PCDHGA4: variants seen among roughly 807,000 people sequenced by gnomAD.
PCDHGA4 encodes the protein protocadherin gamma subfamily A, 4.
PCDHGA4 carries 38 observed loss-of-function variants against 54.6 expected under a neutral mutation model. The observed-to-expected ratio is 0.70, with a 90% CI of 0.54 to 0.91. The LOEUF (loss-of-function observed/expected upper bound fraction) is 0.91, where lower values mean the gene tolerates loss of function less well. PCDHGA4 is among the 40% of genes least tolerant of loss of function. The pLI is 0.00. For missense variants in PCDHGA4, 1,298 were observed against 1,220.9 expected (o/e 1.06, Z -0.94); for synonymous variants, 511 against 512.9 (o/e 1.00, Z 0.05).
rs151239937 is a variant in PCDHGA4, at chr5:141,485,980, G to A, written c.2515-8827G>A. 1.9e-6 allele frequency: 3 copies of A among 1,614,020 alleles called. No homozygotes were observed. The highest frequency in any genetic ancestry group is 2.5e-6 in the Non-Finnish European group (3 of 1,180,004). Reference sequence around the variant, plus strand: ...TCATCCAGCTCAATGCCTCAGACCCGGACCTGGGTCCCAGTGGTAACGTCA... The same window carrying A: ...TCATCCAGCTCAATGCCTCAGACCCAGACCTGGGTCCCAGTGGTAACGTCA... On this transcript the variant is annotated intron_variant, in intron 1 of 3. Coordinates refer to ENST00000571252, the MANE Select transcript of PCDHGA4 (RefSeq NM_018917.4). The surrounding 1 kb of genome is among the most constrained non-coding windows in gnomAD (Gnocchi z 5.7).
intron 1 of PCDHGA4, chr5:141,422,227 A>G: frequency 6.4e-7 from 1 of 1,566,716 alleles, no homozygotes; most frequent in Non-Finnish European, 8.6e-7. Context: ...CACCACGACG[A>G]TGTTGATCAC....
chr5:141,463,438 CTTTTTTTT>C (rs71576115), intron 1 of PCDHGA4, among the ~76,000 whole-genome samples: 7 of 103,252 alleles, frequency 6.8e-5, no homozygotes, highest in East Asian at 2.4e-4. Flanking sequence ...TTTCCTTCTC[CTTTTTTTT>C]TTTTTTTTTT....
chr5:141,388,170 T>C (rs756859307), intron 1 of PCDHGA4: 9 of 1,495,754 alleles, frequency 6.0e-6, no homozygotes, highest in Non-Finnish European at 8.3e-6. Flanking sequence ...GGAGGAGATA[T>C]GCGGGAAGAA....
intron 1 of PCDHGA4, chr5:141,371,217 GC>G (rs1377737380): frequency 6.2e-7 from 1 of 1,613,922 alleles, no homozygotes; most frequent in African/African-American, 1.3e-5. Context: ...GGGCATCAAT[GC>G]CGAAATCATC....
chr5:141,409,808 G>A lies in PCDHGA4; in HGVS notation c.2514+52187G>A, dbSNP rs1445467116. On this transcript the variant is annotated intron_variant, in intron 1 of 3. Coordinates refer to ENST00000571252, the MANE Select transcript of PCDHGA4 (RefSeq NM_018917.4). ...CTTCGCGCTCACGCTGCAGGCCCGC[G>A]ACCACGGCTCGCCCACGCTCAGCGC... 4.3e-6 allele frequency: 7 copies of A among 1,611,624 alleles called. No individual in the cohort carries two copies. In the East Asian group the frequency reaches 1.3e-4, roughly 31 times the overall value.
intron 1 of PCDHGA4, chr5:141,394,067 C>T (rs773390718): frequency 1.9e-6 from 3 of 1,613,794 alleles, no homozygotes; most frequent in Admixed American, 3.3e-5. Flanking sequence ...TCTCTATCTA[C>T]AATATCACAG....
Position 141,490,109 on chromosome 5 carries a change from G to A in PCDHGA4, c.2515-4698G>A, listed in dbSNP as rs775286436. The A allele has an allele frequency of 3.4e-5, 55 of 1,614,114 alleles. No homozygotes were observed. Among genetic ancestry groups the A allele is most frequent in the African/African-American group, 8.0e-5 (6 of 74,940 alleles). ...GGAGACCACACATCTGAGGCAGTGC[G>A]GAACCTCTTTGGCCTAGACCCTAGC... On this transcript the variant is annotated intron_variant, in intron 1 of 3. Coordinates refer to ENST00000571252, the MANE Select transcript of PCDHGA4 (RefSeq NM_018917.4). This position sits in a 1 kb window ranked among gnomAD's most constrained non-coding sequence, Gnocchi z 5.4.
At chr5:141,372,835 C>G in intron 1 of PCDHGA4, 2 of 1,535,142 alleles carry the variant, frequency 1.3e-6, no homozygotes, top group Non-Finnish European at 1.8e-6. Flanking sequence ...CCTTTCCTTC[C>G]ATAAATATAA....
chr5:141,370,723 C>G, intron 1 of PCDHGA4: 1 of 1,613,808 alleles, frequency 6.2e-7, no homozygotes, highest in South Asian at 1.1e-5. Context: ...GAAATGGTTG[C>G]TGAAAAGCCT....
In PCDHGA4 at chr5:141,422,911, G is replaced by C. The variant is rs375046528; in HGVS notation, c.2514+65290G>C. ...GCTGGACCAGAACGACAATGCGCCC[G>C]AGATCCTGTACCCTGCCCTCCCCAC... On this transcript the variant is annotated intron_variant, in intron 1 of 3. Transcript: ENST00000571252. 41 of 1,614,236 alleles carry C rather than the reference G, an allele frequency of 2.5e-5. No individual in the cohort carries two copies. Among genetic ancestry groups the C allele is most frequent in the Non-Finnish European group, 3.2e-5 (38 of 1,180,046 alleles).
chr5:141,403,974 A>G (rs1351754228), intron 1 of PCDHGA4: 1 of 1,613,872 alleles, frequency 6.2e-7, no homozygotes, highest in African/African-American at 1.3e-5. Flanking sequence ...GAAGATGTAA[A>G]TGACAATAGA....
At position 141,412,973 on chromosome 5, in the gene PCDHGA4, C is replaced by A. The variant is rs2095594108; in HGVS notation, c.2514+55352C>A. 14 of 528,318 alleles carry A rather than the reference C, an allele frequency of 2.6e-5. No individual in the cohort carries two copies. In the South Asian group the frequency reaches 3.3e-4, roughly 12 times the overall value. The allele number at this position is 528,318 out of a possible 1,614,324, so 32.7% of individuals were successfully genotyped here. A position where few individuals can be genotyped will look rare whatever the true frequency, so the allele number is the denominator to read the frequency against. Reference sequence around the variant, plus strand: ...GCTGTTCACCTACTAGGAGAGAAAACGCAGCCAGAGCTCAATCCGGATTCT... The same window carrying A: ...GCTGTTCACCTACTAGGAGAGAAAAAGCAGCCAGAGCTCAATCCGGATTCT... On this transcript the variant is annotated intron_variant, in intron 1 of 3. Transcript: ENST00000571252.
At chr5:141,388,668 C>G in intron 1 of PCDHGA4, 1 of 1,613,882 alleles carries the variant, frequency 6.2e-7, no homozygotes, top group Non-Finnish European at 8.5e-7. Flanking sequence ...GACCACGGTG[C>G]TACAGGTGAC....
chr5:141,456,301 C>CA (rs761557752), intron 1 of PCDHGA4, among the ~76,000 whole-genome samples: 14 of 152,154 alleles, frequency 9.2e-5, no homozygotes, highest in Non-Finnish European at 1.6e-4. Flanking sequence ...TAATGGAGAA[C>CA]AGCAGCTAGG....
At chr5:141,482,530 C>CAAAAAAAAAAAA (rs3074545) in intron 1 of PCDHGA4, among the ~76,000 whole-genome samples, 11 of 76,552 alleles carry the variant, frequency 1.4e-4, no homozygotes, top group African/African-American at 2.9e-4. Flanking sequence ...GACAGACATG[C>CAAAAAAAAAAAA]AAAAAAAAAA....
chr5:141,365,077 G>C (rs1048742374), intron 1 of PCDHGA4: 1 of 1,613,842 alleles, frequency 6.2e-7, no homozygotes. Context: ...AGTACAGCGT[G>C]AGTGTTCCAG....
chr5:141,362,129 C>T, intron 1 of PCDHGA4: 2 of 1,614,016 alleles, frequency 1.2e-6, no homozygotes, highest in Non-Finnish European at 1.7e-6. Flanking sequence ...CTAATCTTCG[C>T]GGATAGCCTG....
chr5:141,456,353 G>A (rs1041991824), intron 1 of PCDHGA4, among the ~76,000 whole-genome samples: 2 of 152,120 alleles, frequency 1.3e-5, no homozygotes, highest in South Asian at 2.1e-4. Context: ...GAAGAATGGC[G>A]TCCATGTGTG....
chr5:141,420,415 T>G, intron 1 of PCDHGA4: 1 of 1,217,298 alleles, frequency 8.2e-7, no homozygotes, highest in Non-Finnish European at 1.1e-6. Flanking sequence ...TTATCATTAT[T>G]AAAACAAAAG....
Sources: gnomAD v4.1 joint callset for allele counts (sites outside exome capture counted in the v4.1 genomes callset) on GRCh38, gnomAD v4.1.1 for gene constraint, Gnocchi (gnomAD v3.1) non-coding constraint, MANE v1.5 for transcripts, NCBI Gene and HGNC (gene_info 2026-07-23, HGNC 2026-07-21) for gene names.